Variants in COMMD10 observed in about 807,000 individuals in gnomAD.
The protein encoded by COMMD10 is COMM domain containing 10, also known as COMM domain-containing protein 10.
In COMMD10, 33 loss-of-function variants were observed where a neutral mutation model predicts 28.9. That is an observed-to-expected ratio of 1.14 (90% CI 0.87 to 1.53). The LOEUF is 1.53. Among genes scored for constraint, COMMD10 ranks in the 40% most tolerant of loss-of-function variants. COMMD10 has a pLI of 0.00. For missense variants in COMMD10, 310 were observed against 233.4 expected (o/e 1.33, Z -2.14); for synonymous variants, 110 against 81.7 (o/e 1.35, Z -1.87).
intron 5 of COMMD10, among the ~76,000 whole-genome samples, chr5:116,169,105 A>G (rs1042230277): frequency 3.9e-5 from 6 of 152,334 alleles, no homozygotes; most frequent in African/African-American, 1.4e-4. Context: ...CTCTAGCCAC[A>G]CTAATAAAGA....
In COMMD10 at chr5:116,292,476, A is replaced by G; in HGVS notation, c.596A>G (p.Asp199Gly). 2 of 1,573,400 alleles carry G rather than the reference A, an allele frequency of 1.3e-6. No homozygotes were observed. The highest frequency in any genetic ancestry group is 1.2e-5 in the South Asian group (1 of 85,664). Residue 199 changes from aspartate to glycine, a missense_variant, in exon 7 of 7, where the codon GAT becomes GGT. Asp to Gly is a moderately conservative substitution (Grantham distance 94, BLOSUM62 -1). Transcript: ENST00000274458. The stretch of plus-strand genomic sequence containing the variant: ...CTAGAGACTATACAAGCACAGCTGG[A>G]TTCCCTTACATGATGTTTTCGAAGA... ...NKLETIQAQL[D>G]SLT
At chr5:116,251,200 T>G (rs1750104666) in intron 5 of COMMD10, among the ~76,000 whole-genome samples, 1 of 152,010 alleles carries the variant, frequency 6.6e-6, no homozygotes, top group South Asian at 2.1e-4. Flanking sequence ...ACCTTCAGTT[T>G]ATTGTTCATT....
intron 5 of COMMD10, among the ~76,000 whole-genome samples, chr5:116,281,600 A>G (rs784480): frequency 0.22 from 33,701 of 151,338 alleles, 4,336 homozygotes; most frequent in East Asian, 0.42. Flanking sequence ...TTGTAATCTT[A>G]TATGTACAAG....
intron 5 of COMMD10, among the ~76,000 whole-genome samples, chr5:116,203,553 T>C (rs1030403719): frequency 2.1e-4 from 32 of 152,090 alleles, no homozygotes; most frequent in African/African-American, 4.6e-4. Flanking sequence ...CGGCAGAAAC[T>C]CTACAAGCCA....
chr5:116,091,391 A>G (rs1240193876), intron 3 of COMMD10, among the ~76,000 whole-genome samples: 3 of 152,182 alleles, frequency 2.0e-5, no homozygotes, highest in Non-Finnish European at 4.4e-5. Context: ...CATTGATTTG[A>G]GACAGTTATA....
chr5:116,178,639 C>T (rs1242485338), intron 5 of COMMD10, among the ~76,000 whole-genome samples: 1 of 152,068 alleles, frequency 6.6e-6, no homozygotes, highest in Non-Finnish European at 1.5e-5. Context: ...CTAAGAAGCA[C>T]TTAATATTAT....
rs1235561179 is a variant in COMMD10, at chr5:116,267,018, TC to T, written c.511-24496del. Among the ~76,000 whole-genome samples, 21 of 151,944 alleles carry T rather than the reference TC, an allele frequency of 1.4e-4. 1 individual carries two copies. The highest frequency in any genetic ancestry group is 5.1e-4 in the African/African-American group (21 of 41,276). On this transcript the variant is annotated intron_variant, in intron 5 of 6. Transcript: ENST00000274458. ...CTGAATGGACAAAAACTGGAAGCAT[TC>T]CCTTTGAAAAGTGGCACAAGACAAG...
rs530741246 is a variant in COMMD10, at chr5:116,291,176, A to T, written c.511-341A>T. 2.0e-5 allele frequency among the ~76,000 whole-genome samples: 3 copies of T among 152,292 alleles called. No individual in the cohort carries two copies. The East Asian group carries it at 5.8e-4, about 29-fold the overall frequency. On this transcript the variant is annotated intron_variant, in intron 5 of 6. Transcript: ENST00000274458. The stretch of plus-strand genomic sequence containing the variant: ...GTCTTTGTGTAATGGTATTTACTAG[A>T]TTTCAAACAGACTGCTGAGAAAGAT...
At chr5:116,128,018 T>C (rs1464990692) in intron 4 of COMMD10, among the ~76,000 whole-genome samples, 1 of 152,100 alleles carries the variant, frequency 6.6e-6, no homozygotes, top group Admixed American at 6.6e-5. Flanking sequence ...TGTGTATGTG[T>C]GTCAGTTCGC....
At chr5:116,170,029 G>A (rs889161202) in intron 5 of COMMD10, among the ~76,000 whole-genome samples, 2 of 152,208 alleles carry the variant, frequency 1.3e-5, no homozygotes, top group South Asian at 2.1e-4. Context: ...TATTCAAATA[G>A]GAAGAGAGGA....
intron 5 of COMMD10, among the ~76,000 whole-genome samples, chr5:116,244,785 G>GA (rs1749899744): frequency 6.6e-6 from 1 of 151,628 alleles, no homozygotes; most frequent in South Asian, 2.1e-4. Context: ...AAACTGCTGA[G>GA]AACAGAGATA....
intron 5 of COMMD10, among the ~76,000 whole-genome samples, chr5:116,231,818 A>T (rs1749536499): frequency 6.6e-6 from 1 of 152,140 alleles, no homozygotes; most frequent in Admixed American, 6.5e-5. Context: ...GAACATGAAT[A>T]TGGGAGTACT....
intron 5 of COMMD10, among the ~76,000 whole-genome samples, chr5:116,243,990 T>C (rs1749876639): frequency 6.6e-6 from 1 of 152,172 alleles, no homozygotes; most frequent in Non-Finnish European, 1.5e-5. Flanking sequence ...GAAAACAATG[T>C]TAAATCAATA....
intron 5 of COMMD10, among the ~76,000 whole-genome samples, chr5:116,246,131 C>T (rs751201157): frequency 3.9e-5 from 6 of 152,106 alleles, no homozygotes; most frequent in Non-Finnish European, 8.8e-5. Flanking sequence ...ACAACTTCAG[C>T]AGAGTCTCAG....
intron 5 of COMMD10, among the ~76,000 whole-genome samples, chr5:116,210,653 A>G (rs1251654843): frequency 6.6e-6 from 1 of 152,114 alleles, no homozygotes; most frequent in Non-Finnish European, 1.5e-5. Flanking sequence ...CAGTCTATCA[A>G]CAAATCCTGT....
chr5:116,162,647 G>A (rs770403553), intron 5 of COMMD10, among the ~76,000 whole-genome samples: 8 of 152,050 alleles, frequency 5.3e-5, no homozygotes, highest in Non-Finnish European at 8.8e-5. Flanking sequence ...GGTTGAAAAC[G>A]TTAAATTGTA....
Position 116,228,857 on chromosome 5 carries a change from A to T in COMMD10, c.511-62660A>T, listed in dbSNP as rs1042982056. 2.6e-5 allele frequency among the ~76,000 whole-genome samples: 4 copies of T among 152,022 alleles called. No individual in the cohort carries two copies. The South Asian group carries it at 8.3e-4, about 31-fold the overall frequency. On this transcript the variant is annotated intron_variant, in intron 5 of 6. Coordinates refer to ENST00000274458, the MANE Select transcript of COMMD10 (RefSeq NM_016144.4). ...GTTTTTTCTTTTGTCATGAGCAAAG[A>T]AAAATTACTGAAATAAATAAGCATT...
intron 5 of COMMD10, among the ~76,000 whole-genome samples, chr5:116,202,857 G>A (rs1373826515): frequency 6.6e-6 from 1 of 151,998 alleles, no homozygotes; most frequent in Non-Finnish European, 1.5e-5. Flanking sequence ...TCCGATGGTA[G>A]TTTCTTTTGC....
chr5:116,105,098 T>A (rs1232872311), intron 4 of COMMD10, among the ~76,000 whole-genome samples: 1 of 152,250 alleles, frequency 6.6e-6, no homozygotes, highest in Non-Finnish European at 1.5e-5. Flanking sequence ...TGGGTTGTCA[T>A]GAATAGCTCT....
Sources: allele counts gnomAD v4.1 joint callset (sites outside exome capture counted in the v4.1 genomes callset), GRCh38; gene constraint gnomAD v4.1.1; transcripts MANE v1.5; gene names NCBI Gene and HGNC (gene_info 2026-07-23, HGNC 2026-07-21).